SCAPER: variants seen among roughly 807,000 people sequenced by gnomAD.
SCAPER encodes the protein S-phase cyclin A associated protein in the ER, also known as S phase cyclin A-associated protein in the endoplasmic reticulum.
Under a neutral mutation model 182.2 loss-of-function variants are expected in SCAPER, and 98 were observed. The ratio of observed to expected loss-of-function variants is 0.54; its 90% CI spans 0.46 to 0.64. SCAPER has a LOEUF of 0.64. SCAPER is among the 30% of genes least tolerant of loss of function. SCAPER has a pLI of 0.00. For synonymous variants in SCAPER, 605 were observed against 564.6 expected, an observed-to-expected ratio of 1.07 and a Z score of -1.01; for missense variants, 1,432 against 1,690.0, an observed-to-expected ratio of 0.85 and a Z score of 2.68.
intron 26 of SCAPER, among the ~76,000 whole-genome samples, chr15:76,412,918 T>C (rs1007775749): frequency 6.6e-5 from 10 of 152,192 alleles, no homozygotes; most frequent in Non-Finnish European, 1.3e-4. Context: ...CTCTCGGTAA[T>C]GCTTTGTAGA....
intron 23 of SCAPER, among the ~76,000 whole-genome samples, chr15:76,547,950 G>C (rs117681858): frequency 0.032 from 4,867 of 152,038 alleles, 116 homozygotes; most frequent in Non-Finnish European, 0.049. Context: ...GTCTATTGCT[G>C]TTTTGATTGA....
At chr15:76,791,813 C>T (rs926438224) in intron 8 of SCAPER, among the ~76,000 whole-genome samples, 1 of 152,014 alleles carries the variant, frequency 6.6e-6, no homozygotes, top group African/African-American at 2.4e-5. Flanking sequence ...AACATTCTAG[C>T]TTTTCATTTG....
intron 24 of SCAPER, among the ~76,000 whole-genome samples, chr15:76,487,551 G>T (rs2051778394): frequency 6.6e-6 from 1 of 152,016 alleles, no homozygotes; most frequent in African/African-American, 2.4e-5. Flanking sequence ...ATCAATGTTG[G>T]TTCATCAACT....
chr15:76,652,763 C>T (rs2055283808), intron 21 of SCAPER, among the ~76,000 whole-genome samples: 1 of 151,704 alleles, frequency 6.6e-6, no homozygotes, highest in African/African-American at 2.4e-5. Context: ...AACCCACAGC[C>T]AACATCATAC....
At chr15:76,855,478 A>AAG (rs71143368) in intron 4 of SCAPER, among the ~76,000 whole-genome samples, 1 of 144,108 alleles carries the variant, frequency 6.9e-6, no homozygotes, top group Non-Finnish European at 1.5e-5. Context: ...AAAAAAAAAA[A>AAG]GTAAACAACT....
chr15:76,409,832 C>T (rs2045150121), intron 26 of SCAPER, among the ~76,000 whole-genome samples: 1 of 152,132 alleles, frequency 6.6e-6, no homozygotes, highest in African/African-American at 2.4e-5. Context: ...GACAGGGTCT[C>T]ACTCTGCTGC....
chr15:76,443,463 T>C (rs1330656852), intron 25 of SCAPER, among the ~76,000 whole-genome samples: 1 of 152,188 alleles, frequency 6.6e-6, no homozygotes, highest in Non-Finnish European at 1.5e-5. Context: ...AAAAAGTTTA[T>C]GGGGACAATG....
chr15:76,657,600 A>AAAAG (rs1398902008), intron 21 of SCAPER, among the ~76,000 whole-genome samples: 3 of 150,756 alleles, frequency 2.0e-5, no homozygotes, highest in Non-Finnish European at 3.0e-5. Flanking sequence ...AAAAAAAAAA[A>AAAAG]AAAGAAAGAA....
At chr15:76,902,417 G>C (rs2074837008) in intron 1 of SCAPER, among the ~76,000 whole-genome samples, 1 of 152,126 alleles carries the variant, frequency 6.6e-6, no homozygotes. Context: ...GGATAATTGG[G>C]ACCCCAAGCA....
chr15:76,644,169 TTC>T (rs2054347627), intron 21 of SCAPER, among the ~76,000 whole-genome samples: 1 of 152,128 alleles, frequency 6.6e-6, no homozygotes. Context: ...TTCATTCTCA[TTC>T]TCTTACAAGC....
At chr15:76,559,421 G>A (rs2046438693) in intron 23 of SCAPER, among the ~76,000 whole-genome samples, 1 of 151,924 alleles carries the variant, frequency 6.6e-6, no homozygotes, top group South Asian at 2.1e-4. Context: ...CTGTCGCCTT[G>A]TAAATAAGGT....
intron 15 of SCAPER, among the ~76,000 whole-genome samples, chr15:76,746,083 C>T (rs912201372): frequency 2.0e-5 from 3 of 152,154 alleles, no homozygotes; most frequent in Admixed American, 6.5e-5. Context: ...ATCAATAGAA[C>T]AGGGACAAAA....
At position 76,842,809 on chromosome 15, in the gene SCAPER, A is replaced by C. The variant is rs140594580; in HGVS notation, c.196-878T>G. Among the ~76,000 whole-genome samples, 5 of 152,368 alleles carry C rather than the reference A, an allele frequency of 3.3e-5. No homozygotes were observed. In the East Asian group the frequency reaches 7.7e-4, roughly 23 times the overall value. On this transcript the variant is annotated intron_variant, in intron 4 of 31. Coordinates refer to ENST00000563290, the MANE Select transcript of SCAPER (RefSeq NM_020843.4). ...TTGTTCAAGGTCACATTGCCACAGG[A>C]GACCATCTTCTAATTACAGCTCTAC...
chr15:76,608,330 C>T (rs1385430975), intron 22 of SCAPER, among the ~76,000 whole-genome samples: 3 of 152,130 alleles, frequency 2.0e-5, no homozygotes, highest in Non-Finnish European at 4.4e-5. Context: ...TGCAGAACAG[C>T]GGATTTTGGT....
intron 20 of SCAPER, among the ~76,000 whole-genome samples, chr15:76,688,119 A>ATAAT (rs2058135618): frequency 1.3e-5 from 2 of 152,024 alleles, no homozygotes; most frequent in South Asian, 4.1e-4. Context: ...CCTGACTTTA[A>ATAAT]TAATCACCAT....
intron 27 of SCAPER, among the ~76,000 whole-genome samples, chr15:76,393,169 T>G (rs2043824743): frequency 6.6e-6 from 1 of 152,212 alleles, no homozygotes; most frequent in Non-Finnish European, 1.5e-5. Context: ...CAGAAGTTCC[T>G]GCTTCTGTAT....
intron 5 of SCAPER, among the ~76,000 whole-genome samples, chr15:76,840,136 G>C (rs1308076493): frequency 6.6e-6 from 1 of 152,098 alleles, no homozygotes; most frequent in African/African-American, 2.4e-5. Flanking sequence ...CATAAAAAGT[G>C]GCTGGGCATG....
intron 23 of SCAPER, among the ~76,000 whole-genome samples, chr15:76,555,486 C>A (rs1482194227): frequency 6.6e-6 from 1 of 152,130 alleles, no homozygotes; most frequent in East Asian, 1.9e-4. Flanking sequence ...CTTCAAGAGA[C>A]TCATCTCACA....
Position 76,842,370 on chromosome 15 carries a change from T to C in SCAPER, c.196-439A>G, listed in dbSNP as rs1041564571. Among the ~76,000 whole-genome samples the C allele has an allele frequency of 2.0e-5, 3 of 152,130 alleles. No homozygotes were observed. The South Asian group carries it at 6.2e-4, about 32-fold the overall frequency. On this transcript the variant is annotated intron_variant, in intron 4 of 31. Coordinates refer to ENST00000563290, the MANE Select transcript of SCAPER (RefSeq NM_020843.4). ...GGAGGTAACTGAATCATGGGGGCAG[T>C]TTCCCCCATGCTGTTCTCATGATAG...
Sources: allele counts gnomAD v4.1 joint callset (sites outside exome capture counted in the v4.1 genomes callset), GRCh38; gene constraint gnomAD v4.1.1; transcripts MANE v1.5; gene names NCBI Gene and HGNC (gene_info 2026-07-23, HGNC 2026-07-21).